SKAP2: variants seen among roughly 807,000 people sequenced by gnomAD.
SKAP2 encodes src kinase-associated phosphoprotein 2.
A neutral mutation model predicts 54.9 loss-of-function variants in SKAP2; 28 were observed. The ratio of observed to expected loss-of-function variants is 0.51; its 90% CI spans 0.38 to 0.70. The LOEUF is 0.70. SKAP2 is among the 30% of genes least tolerant of loss of function. SKAP2 has a pLI of 0.00. For missense variants in SKAP2, 356 were observed against 424.1 expected (o/e 0.84, Z 1.41); for synonymous variants, 137 against 134.3 (o/e 1.02, Z -0.14).
intron 4 of SKAP2, among the ~76,000 whole-genome samples, chr7:26,795,872 T>C (rs1783767000): frequency 6.6e-6 from 1 of 152,204 alleles, no homozygotes; most frequent in Non-Finnish European, 1.5e-5. Context: ...TAGCAGTGCA[T>C]CAATTACAGT....
chr7:26,776,782 T>C (rs976191338), intron 4 of SKAP2, among the ~76,000 whole-genome samples: 5 of 152,196 alleles, frequency 3.3e-5, no homozygotes, highest in Admixed American at 3.3e-4. Context: ...ACAAATCTGA[T>C]ATGTCATTCC....
intron 4 of SKAP2, among the ~76,000 whole-genome samples, chr7:26,797,681 A>G (rs1783812362): frequency 6.6e-6 from 1 of 152,184 alleles, no homozygotes; most frequent in Non-Finnish European, 1.5e-5. Context: ...TGAATTAAAT[A>G]AGGTGCCAGG....
At chr7:26,743,665 T>C (rs983816173) in intron 4 of SKAP2, among the ~76,000 whole-genome samples, 2 of 152,134 alleles carry the variant, frequency 1.3e-5, no homozygotes, top group Non-Finnish European at 2.9e-5. Flanking sequence ...TGAGTACGTA[T>C]TTCTTATATG....
intron 11 of SKAP2, among the ~76,000 whole-genome samples, chr7:26,680,757 G>A (rs965287182): frequency 2.0e-5 from 3 of 152,206 alleles, no homozygotes; most frequent in African/African-American, 7.2e-5. Flanking sequence ...TATTATTAGT[G>A]AGGTTCAAAG....
chr7:26,682,076 A>G (rs902262127), intron 11 of SKAP2, among the ~76,000 whole-genome samples: 6 of 152,220 alleles, frequency 3.9e-5, no homozygotes, highest in African/African-American at 1.2e-4. Context: ...GAGAAACTCA[A>G]TTAAACACAC....
intron 2 of SKAP2, among the ~76,000 whole-genome samples, chr7:26,854,382 A>G (rs566756387): frequency 6.6e-6 from 1 of 152,200 alleles, no homozygotes; most frequent in South Asian, 2.1e-4. Context: ...ATGAGGATAT[A>G]TCTTTAATAC....
At chr7:26,664,407 T>TTTAG (rs1255138801), downstream of SKAP2, among the ~76,000 whole-genome samples, 4 of 152,148 alleles carry the variant, frequency 2.6e-5, no homozygotes, top group Non-Finnish European at 5.9e-5. Context: ...CAAGGTTTTC[T>TTTAG]AAATAGACTC....
chr7:26,727,010 T>C lies in SKAP2; in HGVS notation c.470-4A>G. The C allele has an allele frequency of 6.3e-7, 1 of 1,592,012 alleles. No individual in the cohort carries two copies. On this transcript the variant is annotated splice_polypyrimidine_tract_variant and splice_region_variant and intron_variant, in intron 6 of 12. Coordinates refer to ENST00000345317, the MANE Select transcript of SKAP2 (RefSeq NM_003930.5). ...AATTCACCTTTCTGTTGTTTGTCTG[T>C]TGAAGATAAAACCAGTTAGAATTTC...
chr7:26,743,901 T>G (rs1584363711), intron 4 of SKAP2, among the ~76,000 whole-genome samples: 1 of 152,150 alleles, frequency 6.6e-6, no homozygotes, highest in East Asian at 1.9e-4. Flanking sequence ...TTCCCTATAG[T>G]TAGGTTGATA....
At chr7:26,676,576 A>T (rs1210511270) in intron 11 of SKAP2, among the ~76,000 whole-genome samples, 1 of 152,162 alleles carries the variant, frequency 6.6e-6, no homozygotes, top group Non-Finnish European at 1.5e-5. Context: ...TCACTCTATG[A>T]TCCTATCATT....
At chr7:26,688,945 A>C (rs1283130476) in intron 10 of SKAP2, among the ~76,000 whole-genome samples, 2 of 152,206 alleles carry the variant, frequency 1.3e-5, no homozygotes, top group African/African-American at 2.4e-5. Flanking sequence ...TATTGAACAT[A>C]GTCCTCAAGG....
rs1302353644 is a variant in SKAP2 at position 26,735,210 on chromosome 7, T to G, written c.469+3585A>C. 3.3e-5 allele frequency among the ~76,000 whole-genome samples: 5 copies of G among 152,120 alleles called. No homozygotes were observed. The East Asian group carries it at 7.8e-4, about 24-fold the overall frequency. Reference sequence around the variant, plus strand: ...ACTAGCTAACAAGTGCCTGAAAAAATATTTATCAAATTTAGAAAAAGAATG... The same window carrying G: ...ACTAGCTAACAAGTGCCTGAAAAAAGATTTATCAAATTTAGAAAAAGAATG... On this transcript the variant is annotated intron_variant, in intron 6 of 12. Coordinates refer to ENST00000345317, the MANE Select transcript of SKAP2 (RefSeq NM_003930.5).
chr7:26,848,260 C>T (rs2127997005), intron 3 of SKAP2, among the ~76,000 whole-genome samples: 1 of 152,144 alleles, frequency 6.6e-6, no homozygotes, highest in East Asian at 1.9e-4. Context: ...TCAAAACAGT[C>T]CTATTTTAAA....
chr7:26,688,159 G>A (rs1022688898), intron 10 of SKAP2, among the ~76,000 whole-genome samples: 5 of 152,030 alleles, frequency 3.3e-5, no homozygotes, highest in African/African-American at 1.2e-4. Flanking sequence ...TGATGACCAC[G>A]GGTGAAACAT....
At position 26,693,603 on chromosome 7, in the gene SKAP2, G is replaced by A. The variant is rs184392422; in HGVS notation, c.797-3241C>T. Among the ~76,000 whole-genome samples the A allele has an allele frequency of 2.7e-3, 415 of 152,168 alleles. 6 individuals carry two copies. Among genetic ancestry groups the A allele is most frequent in the East Asian group, 4.4e-3 (23 of 5,180 alleles). On this transcript the variant is annotated intron_variant, in intron 9 of 12. Coordinates refer to ENST00000345317, the MANE Select transcript of SKAP2 (RefSeq NM_003930.5). ...AATTATCAGAATAATGATATTAAAA[G>A]TATTTACTTAAGAATTAATGTTTAC...
chr7:26,808,754 A>T (rs1043371890), intron 4 of SKAP2, among the ~76,000 whole-genome samples: 3 of 152,226 alleles, frequency 2.0e-5, no homozygotes, highest in African/African-American at 7.2e-5. Flanking sequence ...TAATTTCTTC[A>T]TGTACAAAAT....
At chr7:26,797,513 C>T (rs1209874738) in intron 4 of SKAP2, among the ~76,000 whole-genome samples, 1 of 152,136 alleles carries the variant, frequency 6.6e-6, no homozygotes, top group African/African-American at 2.4e-5. Context: ...GCAGATACAG[C>T]TTAGATCACA....
At chr7:26,789,205 G>C (rs1043769176) in intron 4 of SKAP2, among the ~76,000 whole-genome samples, 1 of 151,958 alleles carries the variant, frequency 6.6e-6, no homozygotes, top group Non-Finnish European at 1.5e-5. Flanking sequence ...CTTAATTTAC[G>C]TATCTAAAAA....
intron 1 of SKAP2, among the ~76,000 whole-genome samples, chr7:26,858,754 C>T (rs113861714): frequency 1.2e-3 from 184 of 152,328 alleles, no homozygotes; most frequent in Admixed American, 3.4e-3. Flanking sequence ...GGTGGAACTA[C>T]ACCAGGTCAG....
Sources: allele counts gnomAD v4.1 joint callset (sites outside exome capture counted in the v4.1 genomes callset), GRCh38; gene constraint gnomAD v4.1.1; transcripts MANE v1.5; gene names NCBI Gene and HGNC (gene_info 2026-07-23, HGNC 2026-07-21).